Variants in EFNA5 observed in about 807,000 individuals in gnomAD.
The protein encoded by EFNA5 is ephrin A5.
EFNA5 carries 5 observed loss-of-function variants against 22.9 expected under a neutral mutation model. The observed-to-expected ratio is 0.22, with a 90% CI of 0.11 to 0.46. EFNA5 has a LOEUF of 0.46. EFNA5 is among the 20% of genes least tolerant of loss of function. The pLI is 0.99. For synonymous variants in EFNA5, 113 were observed against 112.2 expected (o/e 1.01, Z -0.04); for missense variants, 237 against 293.3 (o/e 0.81, Z 1.40).
rs866762254 is a variant in EFNA5 at position 107,464,319 on chromosome 5, C to G, written c.126-36810G>C. ...TCACTACCCTTGTCACAACCCAGGC[C>G]CAGGGATACCTTCTGATGAAGATGA... is the stretch of plus-strand genomic sequence containing the variant. On this transcript the variant is annotated intron_variant, in intron 1 of 4. Coordinates refer to ENST00000333274, the MANE Select transcript of EFNA5 (RefSeq NM_001962.3). Among the ~76,000 whole-genome samples, 11 of 152,160 alleles carry G rather than the reference C, an allele frequency of 7.2e-5. No individual in the cohort carries two copies. The South Asian group carries it at 8.3e-4, about 11-fold the overall frequency.
At chr5:107,601,405 T>C (rs1749590908) in intron 1 of EFNA5, among the ~76,000 whole-genome samples, 1 of 120,804 alleles carries the variant, frequency 8.3e-6, no homozygotes, top group South Asian at 2.2e-4. Context: ...CCCACCACTG[T>C]ACTGGGCTGC....
intron 2 of EFNA5, among the ~76,000 whole-genome samples, chr5:107,408,790 G>A (rs989946488): frequency 2.0e-5 from 3 of 152,194 alleles, no homozygotes; most frequent in African/African-American, 7.2e-5. Flanking sequence ...CACACAGACA[G>A]ACCAAACCAT....
intron 1 of EFNA5, among the ~76,000 whole-genome samples, chr5:107,585,937 T>C (rs1480190623): frequency 6.6e-6 from 1 of 152,168 alleles, no homozygotes; most frequent in Non-Finnish European, 1.5e-5. Context: ...CTGCTTTGGA[T>C]AGCACAGTGA....
At chr5:107,452,585 G>C (rs767775265) in intron 1 of EFNA5, among the ~76,000 whole-genome samples, 2 of 151,950 alleles carry the variant, frequency 1.3e-5, no homozygotes, top group African/African-American at 4.8e-5. Flanking sequence ...AATTAGCCGG[G>C]GGTGGTGGTA....
chr5:107,568,053 T>C (rs1002181682), intron 1 of EFNA5, among the ~76,000 whole-genome samples: 5 of 152,090 alleles, frequency 3.3e-5, no homozygotes, highest in Non-Finnish European at 7.4e-5. Flanking sequence ...CATGCCACCA[T>C]GCCCAGCTCG....
At chr5:107,399,318 C>A (rs754129201) in intron 2 of EFNA5, among the ~76,000 whole-genome samples, 10 of 94,632 alleles carry the variant, frequency 1.1e-4, no homozygotes, top group South Asian at 7.4e-4. Flanking sequence ...AGGAAGGAAA[C>A]GGAAAGGAAA....
intron 1 of EFNA5, among the ~76,000 whole-genome samples, chr5:107,632,732 G>C (rs1750282618): frequency 2.0e-5 from 3 of 152,080 alleles, no homozygotes; most frequent in Non-Finnish European, 4.4e-5. Flanking sequence ...GCCTATAACA[G>C]AAAATTCAGA....
At chr5:107,585,988 A>T (rs115590167) in intron 1 of EFNA5, among the ~76,000 whole-genome samples, 20 of 152,320 alleles carry the variant, frequency 1.3e-4, no homozygotes, top group African/African-American at 4.6e-4. Context: ...AAAGCAGATC[A>T]CTCAAAGAGA....
chr5:107,422,407 T>C (rs184845004), intron 2 of EFNA5, among the ~76,000 whole-genome samples: 1 of 152,152 alleles, frequency 6.6e-6, no homozygotes, highest in East Asian at 1.9e-4. Flanking sequence ...TGAGGAAAAA[T>C]AAAGCACAGT....
At chr5:107,392,671 C>G (rs950023677) in intron 2 of EFNA5, among the ~76,000 whole-genome samples, 1 of 152,156 alleles carries the variant, frequency 6.6e-6, no homozygotes, top group South Asian at 2.1e-4. Flanking sequence ...TTCTTAAGAG[C>G]TGATACAATG....
intron 1 of EFNA5, among the ~76,000 whole-genome samples, chr5:107,531,445 A>T (rs1455783051): frequency 3.9e-5 from 6 of 152,210 alleles, no homozygotes; most frequent in Non-Finnish European, 7.4e-5. Flanking sequence ...TGCCTAAAAA[A>T]ACTGGAGACA....
intron 1 of EFNA5, among the ~76,000 whole-genome samples, chr5:107,436,477 T>C (rs1318676813): frequency 1.3e-5 from 2 of 152,164 alleles, no homozygotes; most frequent in Non-Finnish European, 2.9e-5. Context: ...TTCAAATGGC[T>C]TTCAAAAGGA....
intron 1 of EFNA5, among the ~76,000 whole-genome samples, chr5:107,530,904 C>T (rs1234611452): frequency 6.6e-6 from 1 of 152,176 alleles, no homozygotes; most frequent in Non-Finnish European, 1.5e-5. Context: ...GACATTGCCT[C>T]TCCTGTAAAG....
intron 1 of EFNA5, among the ~76,000 whole-genome samples, chr5:107,489,757 T>C (rs1746751449): frequency 6.6e-6 from 1 of 151,962 alleles, no homozygotes; most frequent in Admixed American, 6.6e-5. Flanking sequence ...AGAAAACATA[T>C]CCATAGCAAG....
intron 1 of EFNA5, among the ~76,000 whole-genome samples, chr5:107,449,415 C>G (rs1749490100): frequency 6.6e-6 from 1 of 151,506 alleles, no homozygotes; most frequent in African/African-American, 2.4e-5. Flanking sequence ...TGGTAAGTGG[C>G]AGAACTAGGG....
At chr5:107,577,129 T>C (rs1748943803) in intron 1 of EFNA5, among the ~76,000 whole-genome samples, 1 of 152,206 alleles carries the variant, frequency 6.6e-6, no homozygotes, top group African/African-American at 2.4e-5. Context: ...TAAATCAGAA[T>C]ACCTTTCACC....
At chr5:107,544,573 C>T (rs1489654458) in intron 1 of EFNA5, among the ~76,000 whole-genome samples, 1 of 152,128 alleles carries the variant, frequency 6.6e-6, no homozygotes, top group Non-Finnish European at 1.5e-5. Context: ...ATGATGAATC[C>T]TTGTAAGTTC....
intron 1 of EFNA5, among the ~76,000 whole-genome samples, chr5:107,500,147 A>T (rs1422746793): frequency 2.6e-5 from 4 of 152,184 alleles, no homozygotes; most frequent in African/African-American, 9.7e-5. Context: ...TCAAAGCAGA[A>T]CCTCCATTGT....
At chr5:107,475,313 TCA>T (rs1420693680) in intron 1 of EFNA5, among the ~76,000 whole-genome samples, 9 of 152,224 alleles carry the variant, frequency 5.9e-5, no homozygotes, top group Admixed American at 6.5e-5. Flanking sequence ...TTCACATACT[TCA>T]CACTTACCCA....
Sources: allele counts gnomAD v4.1 joint callset (sites outside exome capture counted in the v4.1 genomes callset), GRCh38; gene constraint gnomAD v4.1.1; transcripts MANE v1.5; gene names NCBI Gene and HGNC (gene_info 2026-07-23, HGNC 2026-07-21).